UBE3D: variants seen among roughly 807,000 people sequenced by gnomAD.
UBE3D encodes E3 ubiquitin-protein ligase E3D.
A neutral mutation model predicts 49.6 loss-of-function variants in UBE3D; 48 were observed. The observed-to-expected ratio is 0.97, with a 90% confidence interval of 0.77 to 1.23. UBE3D has a LOEUF of 1.23. Ranked by LOEUF, UBE3D falls within the 50% of genes most tolerant of loss-of-function variation. The pLI is 0.00. For missense variants in UBE3D, 452 were observed against 468.4 expected, an observed-to-expected ratio of 0.96 and a Z score of 0.32; for synonymous variants, 189 against 174.2, an observed-to-expected ratio of 1.08 and a Z score of -0.67.
chr6:82,958,047 C>G (rs924408922), intron 8 of UBE3D, among the ~76,000 whole-genome samples: 38 of 152,284 alleles, frequency 2.5e-4, no homozygotes, highest in African/African-American at 7.7e-4. Context: ...CCTTCATCTT[C>G]CAGAGTGGCC....
At chr6:83,045,987 C>T (rs960217990) in intron 3 of UBE3D, among the ~76,000 whole-genome samples, 1 of 152,040 alleles carries the variant, frequency 6.6e-6, no homozygotes, top group African/African-American at 2.4e-5. Flanking sequence ...CTGAGTTAGT[C>T]TAATATTGTC....
At chr6:83,037,437 T>A (rs906437341) in intron 5 of UBE3D, 1 of 152,246 alleles carries the variant, frequency 6.6e-6, no homozygotes, top group African/African-American at 2.4e-5. Context: ...TCACCTTATT[T>A]AACCAGAAGG....
the UBE3D span, among the ~76,000 whole-genome samples, chr6:82,887,389 G>GTTTTTGTTTTGTTTTGTTTTTTTT: frequency 2.0e-5 from 2 of 98,330 alleles, no homozygotes; most frequent in East Asian, 3.0e-4. Context: ...GACAGTAACA[G>GTTTTTGTTTTGTTTTGTTTTTTTT]TTTTTTTTTT....
intron 9 of UBE3D, among the ~76,000 whole-genome samples, chr6:82,923,136 T>A (rs1351141417): frequency 6.6e-6 from 1 of 152,198 alleles, no homozygotes; most frequent in Non-Finnish European, 1.5e-5. Context: ...TCAACCATTG[T>A]GGAAGACAGT....
chr6:82,982,289 T>C (rs1778166929), intron 8 of UBE3D, among the ~76,000 whole-genome samples: 1 of 152,204 alleles, frequency 6.6e-6, no homozygotes. Flanking sequence ...GACAGAGTTA[T>C]TTTAAAATAT....
intron 9 of UBE3D, among the ~76,000 whole-genome samples, chr6:82,952,596 T>A (rs190194296): frequency 7.2e-5 from 11 of 152,222 alleles, no homozygotes; most frequent in South Asian, 4.1e-4. Flanking sequence ...GCTAATTTTT[T>A]AATTTTTTAC....
At chr6:82,920,872 G>A (rs293498) in intron 9 of UBE3D, among the ~76,000 whole-genome samples, 29 of 151,772 alleles carry the variant, frequency 1.9e-4, no homozygotes, top group African/African-American at 6.1e-4. Context: ...AAGATTTAAC[G>A]CCCATTTTTT....
intron 5 of UBE3D, among the ~76,000 whole-genome samples, chr6:83,035,313 G>T (rs1278357681): frequency 6.6e-6 from 1 of 151,958 alleles, no homozygotes; most frequent in South Asian, 2.1e-4. Context: ...TGTACACCTT[G>T]TTACCCAATT....
intron 9 of UBE3D, among the ~76,000 whole-genome samples, chr6:82,954,854 G>A (rs1776049263): frequency 6.6e-6 from 1 of 152,208 alleles, no homozygotes; most frequent in African/African-American, 2.4e-5. Context: ...GGGTAGGGAA[G>A]ATGATTCCTG....
chr6:83,062,112 A>C (rs1784212958), intron 1 of UBE3D, among the ~76,000 whole-genome samples: 1 of 152,010 alleles, frequency 6.6e-6, no homozygotes, highest in Non-Finnish European at 1.5e-5. Context: ...CCTCTTCTCT[A>C]CTGCCACCAT....
chr6:82,992,915 A>G (rs979160998), intron 8 of UBE3D, among the ~76,000 whole-genome samples: 1 of 152,136 alleles, frequency 6.6e-6, no homozygotes, highest in African/African-American at 2.4e-5. Flanking sequence ...TTTACATAAT[A>G]CTAGATACAG....
intron 9 of UBE3D, among the ~76,000 whole-genome samples, chr6:82,897,799 G>A (rs750559142): frequency 3.9e-5 from 6 of 152,038 alleles, no homozygotes; most frequent in East Asian, 1.9e-4. Context: ...CGTTAATTGC[G>A]ACCATGTTGA....
intron 8 of UBE3D, among the ~76,000 whole-genome samples, chr6:82,994,235 A>C (rs1436084033): frequency 6.6e-6 from 1 of 152,194 alleles, no homozygotes; most frequent in Non-Finnish European, 1.5e-5. Flanking sequence ...AACTAAAAAC[A>C]CCAATTTATA....
At chr6:83,021,372 T>A (rs909986829) in intron 7 of UBE3D, among the ~76,000 whole-genome samples, 3 of 152,038 alleles carry the variant, frequency 2.0e-5, no homozygotes, top group Admixed American at 2.0e-4. Context: ...GCCTGGGAAG[T>A]CGAGGCTATG....
intron 9 of UBE3D, among the ~76,000 whole-genome samples, chr6:82,931,736 T>A (rs1376945434): frequency 6.6e-6 from 1 of 152,154 alleles, no homozygotes; most frequent in Non-Finnish European, 1.5e-5. Flanking sequence ...AGGAAGTAAC[T>A]AACTTGCTTT....
intron 9 of UBE3D, among the ~76,000 whole-genome samples, chr6:82,954,076 G>A (rs1397417041): frequency 1.3e-5 from 2 of 152,164 alleles, no homozygotes; most frequent in East Asian, 1.9e-4. Flanking sequence ...CCAGAGATGA[G>A]GTCAGAAAGG....
intron 9 of UBE3D, among the ~76,000 whole-genome samples, chr6:82,893,439 T>C (rs1321946106): frequency 1.3e-5 from 2 of 152,162 alleles, no homozygotes; most frequent in Non-Finnish European, 2.9e-5. Flanking sequence ...TACCAGTCTC[T>C]CCTAGGTCAT....
intron 3 of UBE3D, among the ~76,000 whole-genome samples, chr6:83,050,808 C>T (rs1254345373): frequency 1.3e-5 from 2 of 152,164 alleles, no homozygotes; most frequent in Non-Finnish European, 2.9e-5. Context: ...GTAAGCAAAG[C>T]CTTGAGTCAT....
downstream of UBE3D, among the ~76,000 whole-genome samples, chr6:82,889,987 A>T (rs1157298389): frequency 2.6e-5 from 4 of 151,748 alleles, no homozygotes; most frequent in Non-Finnish European, 5.9e-5. Flanking sequence ...TAAAAAAGGG[A>T]CTAGAAATTT....
Sources: allele counts gnomAD v4.1 joint callset (sites outside exome capture counted in the v4.1 genomes callset), GRCh38; gene constraint gnomAD v4.1.1; transcripts MANE v1.5; gene names NCBI Gene and HGNC (gene_info 2026-07-23, HGNC 2026-07-21).